OR8K3: variants seen among roughly 807,000 people sequenced by gnomAD.
OR8K3 encodes the protein olfactory receptor family 8 subfamily K member 3 (gene/pseudogene).
For missense variants in OR8K3, 448 were observed against 367.4 expected, an observed-to-expected ratio of 1.22 and a Z score of -1.79; for synonymous variants, 167 against 138.8, an observed-to-expected ratio of 1.20 and a Z score of -1.43.
At chr11:56,316,857 G>A (rs547924403) in intron 2 of OR8K3, among the ~76,000 whole-genome samples, 2 of 151,990 alleles carry the variant, frequency 1.3e-5, no homozygotes, top group South Asian at 4.1e-4. Flanking sequence ...CAAACTTAAC[G>A]TTCACATTCA....
rs144738885 is a variant in OR8K3, at chr11:56,315,711, T to C, written c.-81-289T>C. Among the ~76,000 whole-genome samples, 5 of 151,928 alleles carry C rather than the reference T, an allele frequency of 3.3e-5. No individual in the cohort carries two copies. In the East Asian group the frequency reaches 9.7e-4, roughly 29 times the overall value. ...ACTGCTTGGTGAGTCAAAAAGGGGGTTGCTACCTTACATTCGAATGTGAAA... is the reference window on the plus strand; with the variant it reads ...ACTGCTTGGTGAGTCAAAAAGGGGGCTGCTACCTTACATTCGAATGTGAAA... On this transcript the variant is annotated intron_variant, in intron 1 of 2. Coordinates refer to ENST00000641662, the MANE Select transcript of OR8K3 (RefSeq NM_001005202.2).
In OR8K3 at chr11:56,318,918, T is replaced by C. The variant is rs2134869414; in HGVS notation, c.612T>C (p.Ala204=). 1 of 1,614,084 alleles carries C rather than the reference T, an allele frequency of 6.2e-7. No homozygotes were observed. Among genetic ancestry groups the C allele is most frequent in the Middle Eastern group, 1.6e-4 (1 of 6,062 alleles). ...AATTGATAATTCTGATCTTTGCAGC[T>C]ATTGATTTGATTTCATCTCTTCTGA... ...EIELIILIFA[A]IDLISSLLIV... The change falls in exon 3 of 3, where the codon GCT becomes GCC. Residue 204 remains alanine (A), a synonymous_variant. Transcript: ENST00000641662.
At position 56,318,871 on chromosome 11, in the gene OR8K3, T is replaced by C; in HGVS notation, c.565T>C (p.Cys189Arg). The C allele has an allele frequency of 1.2e-6, 2 of 1,614,052 alleles. No individual in the cohort carries two copies. Among genetic ancestry groups the C allele is most frequent in the South Asian group, 1.1e-5 (1 of 91,074 alleles). The change falls in exon 3 of 3, where the codon TGT becomes CGT. Residue 189 changes from cysteine to arginine, a missense_variant. Coordinates refer to ENST00000641662, the MANE Select transcript of OR8K3 (RefSeq NM_001005202.2). ...CAGTCTCCCTTTGTTACCTTTGCTT[T>C]GTTCAAATACACATGAAATTGAATT... is the stretch of plus-strand genomic sequence containing the variant. ...CDSLPLLPLL[C>R]SNTHEIELII...
chr11:56,318,461 A>G lies in OR8K3; in HGVS notation c.155A>G (p.Asp52Gly), dbSNP rs780416246. 1.2e-6 allele frequency: 2 copies of G among 1,613,924 alleles called. No homozygotes were observed. The highest frequency in any genetic ancestry group is 2.2e-5 in the South Asian group (2 of 91,070). ...GGCATGATTGTCCTCACCAAGTTGG[A>G]CTCCAGGTTGCAAACCCCTATGTAC... ...NLGMIVLTKL[D>G]SRLQTPMYFF... The change falls in exon 3 of 3, where the codon GAC becomes GGC. Residue 52 changes from aspartate (D) to glycine (G), a missense_variant. Transcript: ENST00000641662.
In OR8K3 at chr11:56,318,505, G is replaced by A; in HGVS notation, c.199G>A (p.Ala67Thr). Residue 67 changes from alanine to threonine, a missense_variant, in exon 3 of 3, where the codon GCT becomes ACT. By Grantham distance (58) the Ala-to-Thr change is moderately conservative. Transcript: ENST00000641662. ...TATGTACTTTTTTCTCAGACATCTG[G>A]CTTTCATGGATCTTGGTTATTCAAC... The part of the protein sequence containing the change: ...TPMYFFLRHL[A>T]FMDLGYSTTV... The A allele has an allele frequency of 6.2e-7, 1 of 1,614,022 alleles. No homozygotes were observed. Among genetic ancestry groups the A allele is most frequent in the Non-Finnish European group, 8.5e-7 (1 of 1,179,936 alleles).
In OR8K3 at chr11:56,318,685, T is replaced by G; in HGVS notation, c.379T>G (p.Cys127Gly). 6.2e-7 allele frequency: 1 copy of G among 1,614,012 alleles called. No individual in the cohort carries two copies. The highest frequency in any genetic ancestry group is 8.5e-7 in the Non-Finnish European group (1 of 1,179,914). The change falls in exon 3 of 3, where the codon TGT (cysteine) becomes GGT (glycine). Residue 127 changes from cysteine to glycine, a missense_variant. Cys to Gly is a radical substitution (Grantham distance 159, BLOSUM62 -3). Transcript: ENST00000641662. ...GTCCTACGACCTCTATGTGGCCATC[T>G]GTAACCCTCTGCTATACACAGTAAT... ...AMSYDLYVAICNPLLYTVIMS... is the reference protein window; with the variant it reads ...AMSYDLYVAIGNPLLYTVIMS...
At position 56,320,303 on chromosome 11, in the gene OR8K3, C is replaced by G. The variant is rs1041729850; in HGVS notation, c.*1058C>G. ...ATAAAAGTAATAAAATGCACTACAC[C>G]ATACTGTATCTATCTGCTGGCTATT... is the stretch of plus-strand genomic sequence containing the variant. On this transcript the variant is annotated 3_prime_UTR_variant, in exon 3 of 3. Coordinates refer to ENST00000641662, the MANE Select transcript of OR8K3 (RefSeq NM_001005202.2). 1.3e-5 allele frequency: 2 copies of G among 152,186 alleles called. No homozygotes were observed. Among genetic ancestry groups the G allele is most frequent in the Non-Finnish European group, 2.9e-5 (2 of 68,024 alleles). The allele number at this position is 152,186 out of a possible 1,614,324, so 9.4% of individuals were successfully genotyped here.
rs1291289703 is a variant in OR8K3 at position 56,319,116 on chromosome 11, T to A, written c.810T>A (p.Asp270Glu). 6.2e-7 allele frequency: 1 copy of A among 1,613,982 alleles called. No individual in the cohort carries two copies. Residue 270 changes from aspartate to glutamate, a missense_variant, in exon 3 of 3, where the codon GAT (aspartate) becomes GAA (glutamate). By Grantham distance (45) the Asp-to-Glu change is conservative. Transcript: ENST00000641662. ...QPKSSHSFDT[D>E]KVASIFYTLV... ...AGTCCAGTCATTCCTTTGACACTGA[T>A]AAAGTGGCTTCCATATTTTACACCC...
At position 56,318,831 on chromosome 11, in the gene OR8K3, T is replaced by A; in HGVS notation, c.525T>A (p.Ser175Arg). ...TLSFCGYNVI[S>R]HFYCDSLPLL... is the part of the protein sequence containing the mutation. ...CCTTCTGTGGCTACAACGTCATTAG[T>A]CATTTCTACTGTGACAGTCTCCCTT... Residue 175 changes from serine to arginine, a missense_variant, in exon 3 of 3, where the codon AGT (serine) becomes AGA (arginine). Physicochemically the swap from Ser to Arg is moderately radical, Grantham distance 110 (BLOSUM62 -1). Coordinates refer to ENST00000641662, the MANE Select transcript of OR8K3 (RefSeq NM_001005202.2). 1 of 1,614,152 alleles carries A rather than the reference T, an allele frequency of 6.2e-7. No individual in the cohort carries two copies. The highest frequency in any genetic ancestry group is 8.5e-7 in the Non-Finnish European group (1 of 1,179,972).
chr11:56,318,973 G>A lies in OR8K3; in HGVS notation c.667G>A (p.Val223Ile), dbSNP rs770790577. ...TCTTTTATCTTACCTGCTCATCCTT[G>A]TAGCCATTCTCAGGATGAATTCTGC... is the stretch of plus-strand genomic sequence containing the variant. ...IVLLSYLLIL[V>I]AILRMNSAGR... Residue 223 changes from valine to isoleucine, a missense_variant, in exon 3 of 3, where the codon GTA (valine) becomes ATA (isoleucine). Coordinates refer to ENST00000641662, the MANE Select transcript of OR8K3 (RefSeq NM_001005202.2). The A allele has an allele frequency of 1.2e-6, 2 of 1,613,960 alleles. No individual in the cohort carries two copies. The highest frequency in any genetic ancestry group is 2.2e-5 in the South Asian group (2 of 91,082).
In OR8K3 at chr11:56,319,130, T is replaced by A. The variant is rs1327559799; in HGVS notation, c.824T>A (p.Ile275Lys). Residue 275 changes from isoleucine (I) to lysine (K), a missense_variant, in exon 3 of 3, where the codon ATA becomes AAA. Transcript: ENST00000641662. ...HSFDTDKVAS[I>K]FYTLVIPMLN... ...TTTGACACTGATAAAGTGGCTTCCA[T>A]ATTTTACACCCTGGTTATCCCCATG... 2 of 1,613,856 alleles carry A rather than the reference T, an allele frequency of 1.2e-6. No homozygotes were observed. The highest frequency in any genetic ancestry group is 1.7e-6 in the Non-Finnish European group (2 of 1,179,750).
rs762543015 is a variant in OR8K3, at chr11:56,318,324, A to G, written c.18A>G (p.Leu6=). 1.9e-6 allele frequency: 3 copies of G among 1,613,080 alleles called. No homozygotes were observed. In the Admixed American group the frequency reaches 5.0e-5, roughly 27 times the overall value. MEQHN[L]TTVNEFILTG... Reference sequence around the variant, plus strand: ...GAACCTGGATGGAACAACACAATCTAACAACGGTGAATGAATTCATTCTTA... The same window carrying G: ...GAACCTGGATGGAACAACACAATCTGACAACGGTGAATGAATTCATTCTTA... Residue 6 remains leucine, a synonymous_variant, in exon 3 of 3, where the codon CTA becomes CTG. Transcript: ENST00000641662.
chr11:56,316,968 G>T (rs11227874), intron 2 of OR8K3, among the ~76,000 whole-genome samples: 55,579 of 151,658 alleles, frequency 0.37, 11,220 homozygotes, highest in East Asian at 0.64. Context: ...TATTAAATTC[G>T]TTGTGAAAAA....
rs1160895080 is a variant in OR8K3, at chr11:56,319,239, T to C, written c.933T>C (p.Phe311=). ...CATGGAATAACTTATGTAATATTTT[T>C]GTTTAAATTTTGTACAATATGATTC... ...RRTWNNLCNI[F]V The change falls in exon 3 of 3, where the codon TTT becomes TTC. Residue 311 remains phenylalanine (F), a synonymous_variant. Coordinates refer to ENST00000641662, the MANE Select transcript of OR8K3 (RefSeq NM_001005202.2). 3.2e-6 allele frequency: 5 copies of C among 1,582,048 alleles called. No homozygotes were observed. The Admixed American group carries it at 8.5e-5, about 27-fold the overall frequency.
At chr11:56,316,541 G>A (rs893056502) in intron 2 of OR8K3, among the ~76,000 whole-genome samples, 8 of 151,656 alleles carry the variant, frequency 5.3e-5, no homozygotes, top group African/African-American at 9.7e-5. Context: ...ATATTTATTC[G>A]ATTATACATA....
intron 2 of OR8K3, among the ~76,000 whole-genome samples, chr11:56,316,641 G>A (rs1854446786): frequency 3.3e-5 from 5 of 151,878 alleles, no homozygotes; most frequent in Admixed American, 2.0e-4. Context: ...AGAAATCCAC[G>A]TATATCTCAT....
rs1202315600 is a variant in OR8K3 at position 56,318,995 on chromosome 11, C to T, written c.689C>T (p.Ser230Phe). 2.5e-6 allele frequency: 4 copies of T among 1,613,980 alleles called. No individual in the cohort carries two copies. The highest frequency in any genetic ancestry group is 3.4e-6 in the Non-Finnish European group (4 of 1,179,984). Residue 230 changes from serine to phenylalanine, a missense_variant, in exon 3 of 3, where the codon TCT becomes TTT. Ser to Phe is a radical substitution (Grantham distance 155). Transcript: ENST00000641662. ...LILVAILRMN[S>F]AGRQKAFSTC... ...CTTGTAGCCATTCTCAGGATGAATT[C>T]TGCTGGCAGACAAAAGGCTTTTTCT...
At chr11:56,316,651 T>A (rs1234843214) in intron 2 of OR8K3, among the ~76,000 whole-genome samples, 1 of 152,016 alleles carries the variant, frequency 6.6e-6, no homozygotes, top group Non-Finnish European at 1.5e-5. Flanking sequence ...GTATATCTCA[T>A]GTTTAGTGTA....
Position 56,318,908 on chromosome 11 carries a change from T to A in OR8K3, c.602T>A (p.Ile201Asn), listed in dbSNP as rs2073112583. The A allele has an allele frequency of 6.2e-7, 1 of 1,613,902 alleles. No individual in the cohort carries two copies. The highest frequency in any genetic ancestry group is 1.3e-5 in the African/African-American group (1 of 74,950). ...NTHEIELIIL[I>N]FAAIDLISSL... ...CATGAAATTGAATTGATAATTCTGA[T>A]CTTTGCAGCTATTGATTTGATTTCA... The change falls in exon 3 of 3, where the codon ATC (isoleucine) becomes AAC (asparagine). Residue 201 changes from isoleucine to asparagine, a missense_variant. Ile to Asn is a moderately radical substitution (Grantham distance 149, BLOSUM62 -3). Transcript: ENST00000641662.
Sources: allele counts gnomAD v4.1 joint callset (sites outside exome capture counted in the v4.1 genomes callset), GRCh38; gene constraint gnomAD v4.1.1; transcripts MANE v1.5; gene names NCBI Gene and HGNC (gene_info 2026-07-23, HGNC 2026-07-21).